BBIP1: variants seen among roughly 807,000 people sequenced by gnomAD.
BBIP1 encodes BBSome-interacting protein 1.
A neutral mutation model predicts 8.9 loss-of-function variants in BBIP1; 6 were observed. The observed-to-expected ratio is 0.67, with a 90% confidence interval of 0.37 to 1.33. BBIP1 has a LOEUF of 1.33. Among genes scored for constraint, BBIP1 ranks in the 40% most tolerant of loss-of-function variants. BBIP1 has a pLI of 0.02. For synonymous variants in BBIP1, 32 were observed against 33.4 expected (o/e 0.96, Z 0.14); for missense variants, 111 against 109.2 (o/e 1.02, Z -0.07).
intron 2 of BBIP1, chr10:110,910,705 G>C (rs182287928): frequency 1.3e-5 from 2 of 152,318 alleles, no homozygotes; most frequent in East Asian, 3.9e-4. Context: ...ACAGACGACT[G>C]AAGTGAGCTA....
At chr10:110,904,790 A>G (rs184626960) in intron 2 of BBIP1, 7 of 152,386 alleles carry the variant, frequency 4.6e-5, no homozygotes, top group Admixed American at 4.6e-4. Flanking sequence ...CAAAGGTTAA[A>G]TAAATCATGG....
chr10:110,905,477 G>A (rs907048635), intron 2 of BBIP1, among the ~76,000 whole-genome samples: 3 of 152,090 alleles, frequency 2.0e-5, no homozygotes, highest in Non-Finnish European at 2.9e-5. Context: ...CAGGAGAATG[G>A]CGTGAACCTG....
intron 2 of BBIP1, chr10:110,904,506 A>G (rs996803234): frequency 6.6e-6 from 1 of 152,232 alleles, no homozygotes; most frequent in Non-Finnish European, 1.5e-5. Flanking sequence ...GTATGAGTGC[A>G]TGTGTAATGT....
intron 2 of BBIP1, among the ~76,000 whole-genome samples, chr10:110,905,871 C>T (rs1846120778): frequency 6.6e-6 from 1 of 152,018 alleles, no homozygotes; most frequent in South Asian, 2.1e-4. Context: ...CTAAACATAA[C>T]AGCAATTTGA....
chr10:110,900,964 T>C (rs1845983616), intron 3 of BBIP1: 2 of 245,584 alleles, frequency 8.1e-6, no homozygotes, highest in Non-Finnish European at 1.6e-5. Context: ...TTATTTAACA[T>C]AGTAAATTCC....
upstream of BBIP1, chr10:110,919,313 T>C: frequency 5.8e-6 from 2 of 347,652 alleles, no homozygotes; most frequent in East Asian, 8.5e-5. Flanking sequence ...AGGCTTACTC[T>C]GTAGCCCGGC....
At chr10:110,911,576 T>C (rs912118235) in intron 2 of BBIP1, 2 of 151,646 alleles carry the variant, frequency 1.3e-5, no homozygotes, top group Non-Finnish European at 2.9e-5. Flanking sequence ...CATGTGCCCA[T>C]CCACCTCCCA....
chr10:110,913,158 C>T (rs950803438), intron 2 of BBIP1, among the ~76,000 whole-genome samples: 1 of 152,172 alleles, frequency 6.6e-6, no homozygotes, highest in Non-Finnish European at 1.5e-5. Context: ...GTACTCTGGC[C>T]ATGCCGCTAA....
chr10:110,907,515 GAAAAAAAAA>G (rs34559519), intron 2 of BBIP1: 3 of 358,782 alleles, frequency 8.4e-6, no homozygotes, highest in Non-Finnish European at 1.4e-5. Context: ...CTTGTCTCAA[GAAAAAAAAA>G]AAAAAAGAAA....
intron 2 of BBIP1, among the ~76,000 whole-genome samples, chr10:110,913,797 T>G (rs76841429): frequency 0.1 from 15,631 of 152,270 alleles, 856 homozygotes; most frequent in East Asian, 0.18. Context: ...AAGCACCACT[T>G]ATGTTTTCAT....
At chr10:110,917,657 C>T (rs918873035) in intron 2 of BBIP1, among the ~76,000 whole-genome samples, 1 of 152,150 alleles carries the variant, frequency 6.6e-6, no homozygotes, top group African/African-American at 2.4e-5. Flanking sequence ...GTCTCTAAAA[C>T]TTGGCTGGAA....
In BBIP1 at chr10:110,899,864, G is replaced by C. The variant is rs1845942952; in HGVS notation, c.*496C>G. The C allele has an allele frequency of 6.6e-6, 1 of 152,296 alleles. No homozygotes were observed. The highest frequency in any genetic ancestry group is 2.4e-5 in the African/African-American group (1 of 41,252). 9.4% of individuals were successfully genotyped at this position (152,296 alleles called of 1,614,324 possible). A position where few individuals can be genotyped will look rare whatever the true frequency, so the allele number is the denominator to read the frequency against. ...TGGTGGGATCTGGTCACACAAGATAGCATTAAACGTGACATGGCACATAAA... is the reference window on the plus strand; with the variant it reads ...TGGTGGGATCTGGTCACACAAGATACCATTAAACGTGACATGGCACATAAA... On this transcript the variant is annotated 3_prime_UTR_variant, in exon 4 of 4. Transcript: ENST00000448814.
intron 2 of BBIP1, among the ~76,000 whole-genome samples, chr10:110,914,822 T>A (rs1846360894): frequency 6.6e-6 from 1 of 152,234 alleles, no homozygotes; most frequent in African/African-American, 2.4e-5. Flanking sequence ...GAAAATCCAG[T>A]AGCAGACACT....
At chr10:110,904,394 G>C (rs866120987) in intron 2 of BBIP1, 1 of 152,276 alleles carries the variant, frequency 6.6e-6, no homozygotes, top group Admixed American at 6.5e-5. Context: ...ATAACGTAAA[G>C]GGGATTAAGG....
rs1845950085 is a variant in BBIP1 at position 110,900,068 on chromosome 10, T to C, written c.*292A>G. On this transcript the variant is annotated 3_prime_UTR_variant, in exon 4 of 4. Transcript: ENST00000448814. ...GCTATAAAAGATCCCAAGAATGTTA[T>C]CTATAAAAGATAGCAATAGGAATGG... is the stretch of plus-strand genomic sequence containing the variant. The C allele has an allele frequency of 3.9e-6, 1 of 259,318 alleles. No homozygotes were observed. The allele number at this position is 259,318 out of a possible 1,614,324, so 16.1% of individuals were successfully genotyped here. A position where few individuals can be genotyped will look rare whatever the true frequency, so the allele number is the denominator to read the frequency against.
chr10:110,913,182 C>G (rs1482512691), intron 2 of BBIP1, among the ~76,000 whole-genome samples: 1 of 152,176 alleles, frequency 6.6e-6, no homozygotes, highest in Non-Finnish European at 1.5e-5. Flanking sequence ...GCTGTGTGAC[C>G]TTGAATACAT....
chr10:110,913,163 C>T (rs982623729), intron 2 of BBIP1, among the ~76,000 whole-genome samples: 3 of 152,130 alleles, frequency 2.0e-5, no homozygotes, highest in Admixed American at 6.5e-5. Context: ...CTGGCCATGC[C>T]GCTAACTAGC....
At chr10:110,900,560 A>G in intron 3 of BBIP1, 34 bp from the exon 4 acceptor site, 1 of 1,475,616 alleles carries the variant, frequency 6.8e-7, no homozygotes, top group East Asian at 2.5e-5. Flanking sequence ...TTAATTCAAG[A>G]AAGATAACCC....
chr10:110,900,054 T>G lies in BBIP1; in HGVS notation c.*306A>C. 1 of 235,108 alleles carries G rather than the reference T, an allele frequency of 4.3e-6. No individual in the cohort carries two copies. The allele number at this position is 235,108 out of a possible 1,614,324, so 14.6% of individuals were successfully genotyped here. On this transcript the variant is annotated 3_prime_UTR_variant, in exon 4 of 4. Coordinates refer to ENST00000448814, the MANE Select transcript of BBIP1 (RefSeq NM_001195305.3). ...TTGTGCCCAAGAATGCTATAAAAGATCCCAAGAATGTTATCTATAAAAGAT... is the reference window on the plus strand; with the variant it reads ...TTGTGCCCAAGAATGCTATAAAAGAGCCCAAGAATGTTATCTATAAAAGAT...
Sources: gnomAD v4.1 joint callset for allele counts (sites outside exome capture counted in the v4.1 genomes callset) on GRCh38, gnomAD v4.1.1 for gene constraint, MANE v1.5 for transcripts, NCBI Gene and HGNC (gene_info 2026-07-23, HGNC 2026-07-21) for gene names.